DTNA: variants seen among roughly 807,000 people sequenced by gnomAD.
DTNA encodes dystrophin-related protein 3.
A neutral mutation model predicts 100.7 loss-of-function variants in DTNA; 43 were observed. The ratio of observed to expected loss-of-function variants is 0.43; its 90% CI spans 0.33 to 0.55. The LOEUF (loss-of-function observed/expected upper bound fraction) is 0.55, where lower values mean the gene tolerates loss of function less well. Ranked by LOEUF, DTNA falls within the 20% of genes least tolerant of loss-of-function variation. The pLI is 0.04. For missense variants in DTNA, 798 were observed against 953.9 expected (o/e 0.84, Z 2.15); for synonymous variants, 349 against 347.9 (o/e 1.00, Z -0.04).
At chr18:34,832,136 G>C (rs78753896) in intron 11 of DTNA, among the ~76,000 whole-genome samples, 131 of 152,246 alleles carry the variant, frequency 8.6e-4, no homozygotes, top group African/African-American at 2.9e-3. Flanking sequence ...GAAAATCAAA[G>C]TTTTCTTCAT....
rs1034388129 is a variant in DTNA at position 34,702,328 on chromosome 18, G to A, written c.-1-53648G>A. Among the ~76,000 whole-genome samples the A allele has an allele frequency of 2.1e-4, 32 of 152,166 alleles. 1 individual carries two copies. The highest frequency in any genetic ancestry group is 7.7e-4 in the African/African-American group (32 of 41,438). On this transcript the variant is annotated intron_variant, in intron 1 of 19. Transcript: ENST00000283365. ...ATGGACACAGACTAAATTATCACGT[G>A]AAGCTGCGGCCAGCTCCCGAAGCTT...
chr18:34,549,127 T>C (rs1012307979), intron 1 of DTNA, among the ~76,000 whole-genome samples: 1 of 152,058 alleles, frequency 6.6e-6, no homozygotes, highest in African/African-American at 2.4e-5. Context: ...TTTCTCTCTC[T>C]CTGCTCCCAC....
Position 34,888,609 on chromosome 18 carries a change from A to T in DTNA, c.*875A>T. On this transcript the variant is annotated 3_prime_UTR_variant, in exon 23 of 23. Transcript: ENST00000444659. Reference sequence around the variant, plus strand: ...AATCTAGTTTTTAAAATCAGCACAGATCTTCTTAAAAACTGTGAACTATGT... The same window carrying T: ...AATCTAGTTTTTAAAATCAGCACAGTTCTTCTTAAAAACTGTGAACTATGT... The T allele has an allele frequency of 1.0e-6, 1 of 985,870 alleles. No individual in the cohort carries two copies. Among genetic ancestry groups the T allele is most frequent in the Non-Finnish European group, 1.2e-6 (1 of 829,924 alleles). The allele number at this position is 985,870 out of a possible 1,614,324, so 61.1% of individuals were successfully genotyped here. A position where few individuals can be genotyped will look rare whatever the true frequency, so the allele number is the denominator to read the frequency against.
intron 1 of DTNA, among the ~76,000 whole-genome samples, chr18:34,717,575 T>G (rs2084306307): frequency 6.6e-6 from 1 of 152,214 alleles, no homozygotes; most frequent in African/African-American, 2.4e-5. Context: ...TCATTTATTT[T>G]TTTTAAAAAA....
chr18:34,690,202 ACTC>A (rs1464120955), intron 1 of DTNA, among the ~76,000 whole-genome samples: 2 of 151,452 alleles, frequency 1.3e-5, no homozygotes, highest in African/African-American at 4.9e-5. Context: ...CAAAAAGAAA[ACTC>A]CTGCAGCTAG....
At chr18:34,772,252 G>A (rs902274643) in intron 3 of DTNA, among the ~76,000 whole-genome samples, 1 of 152,004 alleles carries the variant, frequency 6.6e-6, no homozygotes, top group African/African-American at 2.4e-5. Context: ...TTATATCTCG[G>A]CTGTCAGAGT....
intron 1 of DTNA, among the ~76,000 whole-genome samples, chr18:34,753,382 TATTTTTTA>T (rs199697688): frequency 0.24 from 3,822 of 16,096 alleles, 99 homozygotes; most frequent in Non-Finnish European, 0.31. Context: ...TTTTTTTTTT[TATTTTTTA>T]TTTTTTTTTT....
At position 34,875,308 on chromosome 18, in the gene DTNA, C is replaced by A; in HGVS notation, c.1813C>A (p.Arg605=). 1 of 1,614,174 alleles carries A rather than the reference C, an allele frequency of 6.2e-7. No homozygotes were observed. Among genetic ancestry groups the A allele is most frequent in the Non-Finnish European group, 8.5e-7 (1 of 1,180,026 alleles). ...CAGCAGGCCAATTCCCATGCCCATC[C>A]GGTCAGCGTCAGCCTGCTCCACCCC... ...TISRPIPMPI[R]SASACSTPTH... Residue 605 remains arginine, a synonymous_variant, in exon 18 of 23, where the codon CGG becomes AGG. Transcript: ENST00000444659.
At chr18:34,798,248 C>G (rs989812811) in intron 4 of DTNA, among the ~76,000 whole-genome samples, 3 of 152,240 alleles carry the variant, frequency 2.0e-5, no homozygotes, top group Middle Eastern at 3.4e-3. Context: ...AATCCACCTG[C>G]CTCAGCCTCT....
rs181944756 is a variant in DTNA, at chr18:34,859,339, C to T, written c.1646+941C>T. ...AAGCAGATTTATTGAAACGAAAGTA[C>T]ACTCTACAGAGTAGGAGCCAGCTCC... On this transcript the variant is annotated intron_variant, in intron 16 of 22. Transcript: ENST00000444659. Among the ~76,000 whole-genome samples, 955 of 152,314 alleles carry T rather than the reference C, an allele frequency of 6.3e-3. 2 individuals are homozygous for T. Among genetic ancestry groups the T allele is most frequent in the South Asian group, 0.02 (98 of 4,830 alleles).
At chr18:34,844,672 T>C (rs1055827638) in intron 13 of DTNA, among the ~76,000 whole-genome samples, 2 of 152,158 alleles carry the variant, frequency 1.3e-5, no homozygotes, top group South Asian at 2.1e-4. Flanking sequence ...AAAGAAAATA[T>C]AGAAGCATTT....
chr18:34,777,843 A>C (rs2094135785), intron 3 of DTNA, among the ~76,000 whole-genome samples: 1 of 152,150 alleles, frequency 6.6e-6, no homozygotes, highest in Non-Finnish European at 1.5e-5. Flanking sequence ...TGGGCATTAC[A>C]ATTCACGATG....
At chr18:34,720,166 G>A (rs1445829216) in intron 1 of DTNA, among the ~76,000 whole-genome samples, 2 of 152,106 alleles carry the variant, frequency 1.3e-5, no homozygotes, top group Non-Finnish European at 2.9e-5. Context: ...AAGTCAAGCA[G>A]GTGGACCCAG....
At chr18:34,677,821 G>A (rs2077576932) in intron 1 of DTNA, among the ~76,000 whole-genome samples, 1 of 152,156 alleles carries the variant, frequency 6.6e-6, no homozygotes, top group South Asian at 2.1e-4. Context: ...AGACTGTTGG[G>A]TCTGAATGTC....
chr18:34,825,671 A>G (rs2095844116), intron 9 of DTNA, among the ~76,000 whole-genome samples: 1 of 152,212 alleles, frequency 6.6e-6, no homozygotes, highest in East Asian at 1.9e-4. Flanking sequence ...GGTAGACCTT[A>G]AACAAAGCCA....
At chr18:34,805,553 G>C (rs913164802) in intron 4 of DTNA, among the ~76,000 whole-genome samples, 4 of 152,122 alleles carry the variant, frequency 2.6e-5, no homozygotes, top group Non-Finnish European at 4.4e-5. Flanking sequence ...TCAAACTCCT[G>C]ACCTCCAGTG....
At chr18:34,714,623 T>G (rs1313373139) in intron 1 of DTNA, among the ~76,000 whole-genome samples, 5 of 149,912 alleles carry the variant, frequency 3.3e-5, no homozygotes, top group Non-Finnish European at 6.0e-5. Flanking sequence ...GGAACACTTT[T>G]ACACTGTTGG....
chr18:34,756,746 G>A (rs1385291118), intron 2 of DTNA, among the ~76,000 whole-genome samples: 4 of 152,128 alleles, frequency 2.6e-5, no homozygotes, highest in African/African-American at 7.2e-5. Context: ...TTGGTTGGTA[G>A]CATCTCCCTT....
intron 1 of DTNA, among the ~76,000 whole-genome samples, chr18:34,728,987 G>A (rs1231721506): frequency 6.6e-6 from 1 of 152,020 alleles, no homozygotes; most frequent in African/African-American, 2.4e-5. Flanking sequence ...CTTCAGTTGT[G>A]CACCTCTATG....
Sources: gnomAD v4.1 joint callset for allele counts (sites outside exome capture counted in the v4.1 genomes callset) on GRCh38, gnomAD v4.1.1 for gene constraint, MANE v1.5 for transcripts, NCBI Gene and HGNC (gene_info 2026-07-23, HGNC 2026-07-21) for gene names.